PRKN: variants seen among roughly 807,000 people sequenced by gnomAD.
The protein encoded by PRKN is E3 ubiquitin-protein ligase parkin.
Under a neutral mutation model 59.5 loss-of-function variants are expected in PRKN, and 56 were observed. The ratio of observed to expected loss-of-function variants is 0.94; its 90% CI spans 0.76 to 1.18. The LOEUF (loss-of-function observed/expected upper bound fraction) is 1.18, where lower values mean the gene tolerates loss of function less well. Among genes scored for constraint, PRKN ranks in the 50% most tolerant of loss-of-function variants. The probability of loss-of-function intolerance (pLI) is 0.00; values close to 1 mark genes in which losing one functional copy is unlikely to be tolerated. For missense variants in PRKN, 657 were observed against 596.4 expected (o/e 1.10, Z -1.06); for synonymous variants, 250 against 222.1 (o/e 1.13, Z -1.12).
At chr6:161,980,433 T>C (rs1446274020) in intron 5 of PRKN, among the ~76,000 whole-genome samples, 1 of 152,138 alleles carries the variant, frequency 6.6e-6, no homozygotes, top group East Asian at 1.9e-4. Context: ...AGGGTATAGT[T>C]AGGAAAACAG....
intron 4 of PRKN, among the ~76,000 whole-genome samples, chr6:162,078,145 T>C (rs4412175): frequency 0.42 from 58,904 of 138,958 alleles, 12,174 homozygotes; most frequent in Admixed American, 0.54. Context: ...TCAAACTGGC[T>C]TCATTAAAAA....
intron 5 of PRKN, among the ~76,000 whole-genome samples, chr6:161,983,059 GA>G (rs1470194664): frequency 2.7e-4 from 11 of 40,556 alleles, no homozygotes; most frequent in Non-Finnish European, 2.6e-4. Context: ...AAATTTACAA[GA>G]AAAAAACAAA....
At chr6:162,627,129 G>A (rs1205257163) in intron 1 of PRKN, among the ~76,000 whole-genome samples, 3 of 152,178 alleles carry the variant, frequency 2.0e-5, no homozygotes, top group African/African-American at 4.8e-5. Flanking sequence ...ACTTCAAGGA[G>A]GGAGTAACTA....
At chr6:162,013,983 A>G (rs1459789727) in intron 5 of PRKN, among the ~76,000 whole-genome samples, 3 of 152,084 alleles carry the variant, frequency 2.0e-5, no homozygotes, top group South Asian at 2.1e-4. Flanking sequence ...TTTTTTAAAC[A>G]TAATACATTA....
intron 1 of PRKN, among the ~76,000 whole-genome samples, chr6:162,496,781 A>C (rs183006464): frequency 6.6e-6 from 1 of 152,194 alleles, no homozygotes; most frequent in African/African-American, 2.4e-5. Flanking sequence ...GAAAAGAGAC[A>C]CTTTAGACGC....
At chr6:162,632,976 T>C (rs1583947189) in intron 1 of PRKN, among the ~76,000 whole-genome samples, 2 of 152,188 alleles carry the variant, frequency 1.3e-5, no homozygotes, top group East Asian at 1.9e-4. Flanking sequence ...AAATATTTTT[T>C]CATTTAAAAT....
At chr6:161,733,802 A>ATATATATATATATATATG (rs1583072601) in intron 7 of PRKN, among the ~76,000 whole-genome samples, 2 of 118,882 alleles carry the variant, frequency 1.7e-5, no homozygotes, top group East Asian at 4.2e-4. Context: ...ATATATGTAT[A>ATATATATATATATATATG]TATATATATA....
intron 2 of PRKN, among the ~76,000 whole-genome samples, chr6:162,303,649 A>G (rs1373990251): frequency 6.6e-6 from 1 of 152,206 alleles, no homozygotes; most frequent in Non-Finnish European, 1.5e-5. Flanking sequence ...ATGCAAGAAT[A>G]TCAAATTATA....
chr6:162,604,680 C>A (rs570541299), intron 1 of PRKN, among the ~76,000 whole-genome samples: 33 of 149,116 alleles, frequency 2.2e-4, no homozygotes, highest in African/African-American at 8.1e-4. Flanking sequence ...CCCACAGGCC[C>A]TGTTTCTTTC....
chr6:162,517,846 C>G (rs976477260), intron 1 of PRKN, among the ~76,000 whole-genome samples: 2 of 152,120 alleles, frequency 1.3e-5, no homozygotes, highest in African/African-American at 4.8e-5. Flanking sequence ...ATCTTTTAGA[C>G]TTTAATAGTA....
chr6:161,901,308 A>G (rs1777908156), intron 6 of PRKN, among the ~76,000 whole-genome samples: 1 of 152,162 alleles, frequency 6.6e-6, no homozygotes, highest in Non-Finnish European at 1.5e-5. Flanking sequence ...GACGTAGTGT[A>G]CTGAGTGCGA....
At chr6:162,387,094 T>C (rs770992593) in intron 2 of PRKN, among the ~76,000 whole-genome samples, 26 of 152,058 alleles carry the variant, frequency 1.7e-4, no homozygotes, top group Non-Finnish European at 3.1e-4. Context: ...AAAGTATTAC[T>C]ATACTAGGGT....
At chr6:161,684,735 C>A (rs894085756) in intron 7 of PRKN, among the ~76,000 whole-genome samples, 1 of 149,586 alleles carries the variant, frequency 6.7e-6, no homozygotes, top group Non-Finnish European at 1.5e-5. Flanking sequence ...AATGATAAAA[C>A]AACAATTATT....
chr6:162,218,963 C>A (rs1247028392), intron 3 of PRKN, among the ~76,000 whole-genome samples: 1 of 152,222 alleles, frequency 6.6e-6, no homozygotes, highest in South Asian at 2.1e-4. Context: ...CACTTGAGCC[C>A]AGGAGTTTGA....
chr6:161,348,703 C>A lies in PRKN; in HGVS notation c.*1396G>T, dbSNP rs1582951780. 1 of 209,904 alleles carries A rather than the reference C, an allele frequency of 4.8e-6. No homozygotes were observed. The highest frequency in any genetic ancestry group is 7.2e-5 in the East Asian group (1 of 13,974). 13.0% of individuals were successfully genotyped at this position (209,904 alleles called of 1,614,324 possible). ...TTTAATAATTTACAGTCTCTAAATC[C>A]AAAAGGGCCTCCATGTGCTAGTGAG... On this transcript the variant is annotated 3_prime_UTR_variant, in exon 12 of 12. Coordinates refer to ENST00000366898, the MANE Select transcript of PRKN (RefSeq NM_004562.3). The surrounding 1 kb of genome is among the most constrained non-coding windows in gnomAD (Gnocchi z 4.9).
At chr6:162,235,981 G>GAA (rs777443289) in intron 3 of PRKN, among the ~76,000 whole-genome samples, 4 of 105,316 alleles carry the variant, frequency 3.8e-5, no homozygotes, top group African/African-American at 1.2e-4. Context: ...AAGAAAGAAA[G>GAA]AAAGAAAGAA....
At chr6:161,724,892 T>C (rs1438671494) in intron 7 of PRKN, among the ~76,000 whole-genome samples, 1 of 152,222 alleles carries the variant, frequency 6.6e-6, no homozygotes, top group Non-Finnish European at 1.5e-5. Flanking sequence ...GTTTGGGTCA[T>C]AGGGGTGAAA....
intron 4 of PRKN, among the ~76,000 whole-genome samples, chr6:162,133,124 G>A (rs1195703124): frequency 6.6e-6 from 1 of 152,142 alleles, no homozygotes; most frequent in Non-Finnish European, 1.5e-5. Context: ...AATGTTAGAA[G>A]GATCACTCTG....
At chr6:161,714,853 C>A (rs532072811) in intron 7 of PRKN, among the ~76,000 whole-genome samples, 1 of 152,106 alleles carries the variant, frequency 6.6e-6, no homozygotes, top group African/African-American at 2.4e-5. Flanking sequence ...ACCGCCACCC[C>A]ACAAAGACAC....
Sources: gnomAD v4.1 joint callset for allele counts (sites outside exome capture counted in the v4.1 genomes callset) on GRCh38, gnomAD v4.1.1 for gene constraint, Gnocchi (gnomAD v3.1) non-coding constraint, MANE v1.5 for transcripts, NCBI Gene and HGNC (gene_info 2026-07-23, HGNC 2026-07-21) for gene names.